Variants in DYNC1I2 observed in about 807,000 individuals in gnomAD.
DYNC1I2 encodes the protein dynein cytoplasmic 1 intermediate chain 2.
DYNC1I2 carries 53 observed loss-of-function variants against 88.6 expected under a neutral mutation model. The ratio of observed to expected loss-of-function variants is 0.60; its 90% CI spans 0.48 to 0.75. The LOEUF is 0.75. Ranked by LOEUF, DYNC1I2 falls within the 30% of genes least tolerant of loss-of-function variation. DYNC1I2 has a pLI of 0.00. For missense variants in DYNC1I2, 458 were observed against 766.6 expected (o/e 0.60, Z 4.75); for synonymous variants, 198 against 254.6 (o/e 0.78, Z 2.12).
rs796717598 is a variant in DYNC1I2 at position 171,728,206 on chromosome 2, A to G, written c.1144-99A>G. 3.2e-5 allele frequency: 24 copies of G among 760,310 alleles called. No individual in the cohort carries two copies. In the African/African-American group the frequency reaches 3.8e-4, roughly 12 times the overall value. The allele number at this position is 760,310 out of a possible 1,614,324, so 47.1% of individuals were successfully genotyped here. A position where few individuals can be genotyped will look rare whatever the true frequency, so the allele number is the denominator to read the frequency against. On this transcript the variant is annotated intron_variant, in intron 12 of 17. Coordinates refer to ENST00000397119, the MANE Select transcript of DYNC1I2 (RefSeq NM_001378.3). ...TTCACATTAAGAATACCCACAAGTT[A>G]TGAGACTCGATAATAAACAGAATGC...
At chr2:171,726,649 A>T (rs1170643263) in intron 10 of DYNC1I2, 142 bp from the exon 11 acceptor site, 6 of 868,408 alleles carry the variant, frequency 6.9e-6, no homozygotes, top group Non-Finnish European at 1.0e-5. Flanking sequence ...CCCAGTAGGC[A>T]TAATGCTAGA....
chr2:171,693,367 A>G (rs766196326), intron 3 of DYNC1I2, among the ~76,000 whole-genome samples: 17 of 152,182 alleles, frequency 1.1e-4, no homozygotes, highest in Non-Finnish European at 2.4e-4. Context: ...TAAGGGAGAT[A>G]ATTTTGTGGC....
intron 5 of DYNC1I2, 47 bp downstream of exon 5, chr2:171,707,424 T>C (rs1686767461): frequency 2.6e-6 from 4 of 1,545,396 alleles, no homozygotes; most frequent in Non-Finnish European, 3.5e-6. Flanking sequence ...ATGCATTCAG[T>C]GCCCAAATAC....
chr2:171,716,592 A>G (rs935542847), intron 7 of DYNC1I2, among the ~76,000 whole-genome samples: 2 of 152,202 alleles, frequency 1.3e-5, no homozygotes, highest in Non-Finnish European at 1.5e-5. Context: ...TTAAATTTTC[A>G]TATTTGCCTA....
intron 3 of DYNC1I2, among the ~76,000 whole-genome samples, chr2:171,697,549 C>G (rs184421967): frequency 6.6e-6 from 1 of 152,002 alleles, no homozygotes; most frequent in Non-Finnish European, 1.5e-5. Context: ...TGGTTCACAC[C>G]TGTCATCCCA....
intron 1 of DYNC1I2, chr2:171,688,026 G>A (rs980515293): frequency 6.6e-6 from 1 of 152,300 alleles, no homozygotes; most frequent in African/African-American, 2.4e-5. Flanking sequence ...ATTGCGGCCC[G>A]GCGAGAGGAG....
At position 171,739,113 on chromosome 2, in the gene DYNC1I2, A is replaced by C. The variant is rs891033189; in HGVS notation, c.1537-4936A>C. Among the ~76,000 whole-genome samples the C allele has an allele frequency of 2.0e-5, 3 of 151,780 alleles. No homozygotes were observed. The East Asian group carries it at 5.8e-4, about 29-fold the overall frequency. Reference sequence around the variant, plus strand: ...CCTGGGCAACAAGAGTGAAAAAAAAAAAAAAAAGAAAACCACCTTCTCAGA... The same window carrying C: ...CCTGGGCAACAAGAGTGAAAAAAAACAAAAAAAGAAAACCACCTTCTCAGA... On this transcript the variant is annotated intron_variant, in intron 15 of 17. Coordinates refer to ENST00000397119, the MANE Select transcript of DYNC1I2 (RefSeq NM_001378.3).
chr2:171,727,136 T>G (rs965199733), intron 11 of DYNC1I2, among the ~76,000 whole-genome samples: 1 of 152,188 alleles, frequency 6.6e-6, no homozygotes, highest in Non-Finnish European at 1.5e-5. Flanking sequence ...TTATAATGTT[T>G]AATCACACCT....
At chr2:171,702,299 AC>A (rs1686320908) in intron 3 of DYNC1I2, among the ~76,000 whole-genome samples, 1 of 152,192 alleles carries the variant, frequency 6.6e-6, no homozygotes, top group Admixed American at 6.5e-5. Context: ...TGGCAGATTT[AC>A]CATTATAATG....
intron 14 of DYNC1I2, 60 bp from the exon 15 acceptor site, chr2:171,729,649 T>G: frequency 6.4e-7 from 1 of 1,561,716 alleles, no homozygotes. Flanking sequence ...TAATAAAATG[T>G]GTATGTAATT....
chr2:171,747,707 AACTG>A (rs775693464), intron 17 of DYNC1I2, 65 bp from the exon 18 acceptor site: 39 of 1,110,218 alleles, frequency 3.5e-5, no homozygotes, highest in Non-Finnish European at 4.9e-5. Context: ...TTTGAAAACA[AACTG>A]AATAATAGTG....
At chr2:171,692,058 T>G (rs1051928430) in intron 2 of DYNC1I2, among the ~76,000 whole-genome samples, 17 of 152,296 alleles carry the variant, frequency 1.1e-4, no homozygotes, top group Admixed American at 4.6e-4. Context: ...GAGTAATAGT[T>G]GTCTAGGTGG....
At chr2:171,739,955 C>T (rs1055558400) in intron 15 of DYNC1I2, among the ~76,000 whole-genome samples, 43 of 152,230 alleles carry the variant, frequency 2.8e-4, no homozygotes, top group African/African-American at 8.2e-4. Flanking sequence ...ATCCGCCTGC[C>T]TCAGCCCTCC....
At chr2:171,725,775 T>TTAC (rs1205890024) in intron 8 of DYNC1I2, 62 bp downstream of exon 8, 4 of 854,306 alleles carry the variant, frequency 4.7e-6, no homozygotes, top group East Asian at 8.0e-5. Flanking sequence ...CCTTTTATTA[T>TTAC]GTATTAAAGT....
At chr2:171,712,555 T>C in intron 5 of DYNC1I2, 1 of 498,902 alleles carries the variant, frequency 2.0e-6, no homozygotes, top group South Asian at 3.6e-5. Flanking sequence ...CTTGCATCTT[T>C]AACCATAGGA....
intron 7 of DYNC1I2, among the ~76,000 whole-genome samples, chr2:171,720,605 A>G (rs1259639822): frequency 6.6e-6 from 1 of 152,148 alleles, no homozygotes; most frequent in African/African-American, 2.4e-5. Context: ...GTGTTGTCAC[A>G]TACTTGTAAT....
chr2:171,744,140 T>C lies in DYNC1I2; in HGVS notation c.1628T>C (p.Val543Ala), dbSNP rs748046826. 1.9e-5 allele frequency: 31 copies of C among 1,613,604 alleles called. 1 individual carries two copies. In the South Asian group the frequency reaches 3.3e-4, roughly 17 times the overall value. The change falls in exon 16 of 18, where the codon GTG becomes GCG. Residue 543 changes from valine to alanine, a missense_variant. Coordinates refer to ENST00000397119, the MANE Select transcript of DYNC1I2 (RefSeq NM_001378.3). ...SPTHPALFAC[V>A]DGMGRLDLWN... ...ACCCACCCAGCCCTGTTTGCCTGTGTGGATGGCATGGGGAGATTGGATTTG... is the reference window on the plus strand; with the variant it reads ...ACCCACCCAGCCCTGTTTGCCTGTGCGGATGGCATGGGGAGATTGGATTTG...
chr2:171,712,820 A>G lies in DYNC1I2; in HGVS notation c.389A>G (p.Asp130Gly), dbSNP rs1408145880. 6.2e-6 allele frequency: 10 copies of G among 1,612,788 alleles called. No individual in the cohort carries two copies. Among genetic ancestry groups the G allele is most frequent in the Non-Finnish European group, 8.5e-6 (10 of 1,179,118 alleles). ...GTTCTTCAGCTTCACTCAGATTCCG[A>G]TTTGGGGTATTGAATAGATTTTTTA... ...PSVLQLHSDS[D>G]LGRGPIKLGM... The change falls in exon 6 of 18, where the codon GAT becomes GGT. Residue 130 changes from aspartate to glycine, a missense_variant. By Grantham distance (94) the Asp-to-Gly change is moderately conservative. Around this residue, in one of 5 missense-constraint regions of DYNC1I2, gnomAD observed 203 missense variants for 354.2 expected, o/e 0.57. Coordinates refer to ENST00000397119, the MANE Select transcript of DYNC1I2 (RefSeq NM_001378.3).
Position 171,707,318 on chromosome 2 carries a change from T to A in DYNC1I2, c.276T>A (p.Ser92=), listed in dbSNP as rs1208247946. The A allele has an allele frequency of 1.2e-6, 2 of 1,613,810 alleles. No individual in the cohort carries two copies. Among genetic ancestry groups the A allele is most frequent in the Admixed American group, 1.7e-5 (1 of 59,998 alleles). ...CTCCTATGTCTCCATCCTCCAAATCTGTGAGCACTCCAAGTGAAGCTGGAA... is the reference window on the plus strand; with the variant it reads ...CTCCTATGTCTCCATCCTCCAAATCAGTGAGCACTCCAAGTGAAGCTGGAA... ...VPPPMSPSSK[S]VSTPSEAGSQ... is the part of the protein sequence containing the mutation. Residue 92 remains serine, a synonymous_variant, in exon 5 of 18, where the codon TCT becomes TCA. Coordinates refer to ENST00000397119, the MANE Select transcript of DYNC1I2 (RefSeq NM_001378.3).
Sources: gnomAD v4.1 joint callset for allele counts (sites outside exome capture counted in the v4.1 genomes callset) on GRCh38, gnomAD v4.1.1 for gene constraint, gnomAD v4.1.1 regional missense constraint, MANE v1.5 for transcripts, NCBI Gene and HGNC (gene_info 2026-07-23, HGNC 2026-07-21) for gene names.